The following FUNDC1 variants were observed in gnomAD, a reference collection of about 807,000 sequenced individuals.
FUNDC1 encodes the protein FUN14 domain-containing protein 1.
In FUNDC1, 10 loss-of-function variants were observed where a neutral mutation model predicts 14.5. The observed-to-expected ratio is 0.69, with a 90% CI of 0.43 to 1.17. The LOEUF is 1.17. Among genes scored for constraint, FUNDC1 ranks in the 50% most tolerant of loss-of-function variants. The pLI is 0.00. For synonymous variants in FUNDC1, 33 were observed against 39.7 expected, an observed-to-expected ratio of 0.83 and a Z score of 0.64; for missense variants, 115 against 113.8, an observed-to-expected ratio of 1.01 and a Z score of -0.05.
chrX:44,541,726 G>C (rs774964588), intron 2 of FUNDC1, among the ~76,000 whole-genome samples: 1 of 111,289 alleles, frequency 9.0e-6, no homozygotes, highest in East Asian at 2.8e-4. Flanking sequence ...AGGATGAGGA[G>C]GGAGAAGAGG....
intron 3 of FUNDC1, among the ~76,000 whole-genome samples, chrX:44,533,948 C>T (rs1455145341): frequency 1.9e-5 from 2 of 106,709 alleles, no homozygotes; most frequent in East Asian, 5.9e-4. Flanking sequence ...GCCTGTAGTC[C>T]CAGCTACTTG....
At chrX:44,542,678 G>A in intron 1 of FUNDC1, 127 bp downstream of exon 1, 1 of 667,120 alleles carries the variant, frequency 1.5e-6, no homozygotes, top group Non-Finnish European at 2.3e-6. Context: ...GGTGCTCGAA[G>A]GGGCTGCCTT....
chrX:44,542,790 G>A lies in FUNDC1; in HGVS notation c.28+15C>T. 1 of 1,165,825 alleles carries A rather than the reference G, an allele frequency of 8.6e-7. No individual in the cohort carries two copies. Among genetic ancestry groups the A allele is most frequent in the Non-Finnish European group, 1.1e-6 (1 of 871,286 alleles). ...AGCCGCGTCCCAGATACCACTTCGG[G>A]CCCTGGCCGCTCACCTTGGGGAGGG... is the stretch of plus-strand genomic sequence containing the variant. On this transcript the variant is annotated intron_variant, in intron 1 of 4. Transcript: ENST00000378045.
chrX:44,525,246 T>C (rs1369066200), intron 4 of FUNDC1, among the ~76,000 whole-genome samples: 2 of 110,481 alleles, frequency 1.8e-5, no homozygotes, highest in Non-Finnish European at 3.8e-5. Flanking sequence ...GGTCTCATTC[T>C]GTCAGCCAGG....
At chrX:44,537,251 G>T (rs1288989196) in intron 3 of FUNDC1, among the ~76,000 whole-genome samples, 1 of 111,934 alleles carries the variant, frequency 8.9e-6, no homozygotes, top group Admixed American at 9.6e-5. Context: ...AAACTGACAT[G>T]CAGAGTGGAT....
intron 3 of FUNDC1, among the ~76,000 whole-genome samples, chrX:44,532,701 C>T (rs1569187853): frequency 9.2e-6 from 1 of 109,171 alleles, no homozygotes; most frequent in Non-Finnish European, 1.9e-5. Flanking sequence ...TACAGGCATG[C>T]ACCACCATGC....
At chrX:44,534,731 C>T (rs1022436249) in intron 3 of FUNDC1, among the ~76,000 whole-genome samples, 2 of 111,816 alleles carry the variant, frequency 1.8e-5, no homozygotes, top group Admixed American at 1.9e-4. Context: ...AATTATCAAA[C>T]AAATGTGAGG....
rs777827528 is a variant in FUNDC1, at chrX:44,542,005, C to A, written c.125G>T (p.Gly42Val). 2.5e-6 allele frequency: 3 copies of A among 1,205,139 alleles called. No homozygotes were observed. In the South Asian group the frequency reaches 5.3e-5, roughly 21 times the overall value. ...TACTGAGTATTTTTCTACCATAGGTCCCGAACTGTGGCCAAACACTCGATT... is the reference window on the plus strand; with the variant it reads ...TACTGAGTATTTTTCTACCATAGGTACCGAACTGTGGCCAAACACTCGATT... The part of the protein sequence containing the change: ...WWNRVFGHSS[G>V]PMVEKYSVAT... Residue 42 changes from glycine to valine, a missense_variant, in exon 2 of 5, where the codon GGA (glycine) becomes GTA (valine). Gly to Val is a moderately radical substitution (Grantham distance 109). Coordinates refer to ENST00000378045, the MANE Select transcript of FUNDC1 (RefSeq NM_173794.4).
Position 44,523,913 on chromosome X carries a change from A to G in FUNDC1, c.*285T>C, listed in dbSNP as rs1236042405. The G allele has an allele frequency of 8.1e-6, 2 of 246,050 alleles. No individual in the cohort carries two copies. Among genetic ancestry groups the G allele is most frequent in the African/African-American group, 2.8e-5 (1 of 35,689 alleles). The allele number at this position is 246,050 out of a possible 1,213,427, so 20.3% of individuals were successfully genotyped here. On this transcript the variant is annotated 3_prime_UTR_variant, in exon 5 of 5. Transcript: ENST00000378045. ...CTCTCCATATCTACATCCAATGGTG[A>G]TATTTTATAGGCTAGTTTCTAAACA... is the stretch of plus-strand genomic sequence containing the variant.
chrX:44,529,260 A>G (rs935891119), intron 3 of FUNDC1, among the ~76,000 whole-genome samples: 1 of 111,983 alleles, frequency 8.9e-6, no homozygotes, highest in African/African-American at 3.2e-5. Flanking sequence ...CACAAACAGC[A>G]TTCTATACAC....
chrX:44,539,208 C>T (rs1283056113), intron 2 of FUNDC1, among the ~76,000 whole-genome samples: 1 of 111,897 alleles, frequency 8.9e-6, no homozygotes, highest in Non-Finnish European at 1.9e-5. Context: ...CATTAATTCG[C>T]TCCTTCAGTG....
At chrX:44,531,315 G>GACACACACACACACACACAC (rs766982993) in intron 3 of FUNDC1, among the ~76,000 whole-genome samples, 1 of 18,882 alleles carries the variant, frequency 5.3e-5, no homozygotes, top group Non-Finnish European at 8.3e-5. Flanking sequence ...ATGTTGGCCA[G>GACACACACACACACACACAC]ACACACACAC....
chrX:44,525,265 C>A (rs1307875852), intron 4 of FUNDC1, among the ~76,000 whole-genome samples: 1 of 110,050 alleles, frequency 9.1e-6, no homozygotes, highest in Non-Finnish European at 1.9e-5. Flanking sequence ...GGCTGGAGTG[C>A]AGTGGCACAA....
At position 44,531,299 on chromosome X, in the gene FUNDC1, AG is replaced by A. The variant is rs1396414208; in HGVS notation, c.262-3935del. On this transcript the variant is annotated intron_variant, in intron 3 of 4. Transcript: ENST00000378045. ...ACACACACACACGGCTTTCAGATGA[AG>A]ATTCATGTTGGCCAGACACACACAC... is the stretch of plus-strand genomic sequence containing the variant. 0.026 allele frequency among the ~76,000 whole-genome samples: 1,076 copies of A among 41,511 alleles called. 154 individuals are homozygous for A. The African/African-American group carries it at 0.3, about 12-fold the overall frequency. 36.0% of individuals were successfully genotyped at this position (41,511 alleles called of 115,157 possible).
At chrX:44,525,470 T>C (rs1211473779) in intron 4 of FUNDC1, among the ~76,000 whole-genome samples, 1 of 107,600 alleles carries the variant, frequency 9.3e-6, no homozygotes, top group Non-Finnish European at 1.9e-5. Flanking sequence ...ATTACAGGAG[T>C]GAACTACTGT....
intron 2 of FUNDC1, among the ~76,000 whole-genome samples, chrX:44,540,757 C>A (rs1221511219): frequency 5.4e-5 from 6 of 111,938 alleles, no homozygotes; most frequent in African/African-American, 1.9e-4. Context: ...CTGACATTAA[C>A]CAATCACCCA....
At chrX:44,524,331 T>C in intron 4 of FUNDC1, 56 bp from the exon 5 acceptor site, 1 of 790,869 alleles carries the variant, frequency 1.3e-6, no homozygotes, top group Non-Finnish European at 1.9e-6. Context: ...GGGATGAACC[T>C]TGAAAACATT....
At chrX:44,530,679 G>A (rs2147472483) in intron 3 of FUNDC1, among the ~76,000 whole-genome samples, 1 of 110,912 alleles carries the variant, frequency 9.0e-6, no homozygotes, top group East Asian at 2.8e-4. Flanking sequence ...ACTTTGGGAG[G>A]CCAAGGTGGG....
intron 2 of FUNDC1, among the ~76,000 whole-genome samples, chrX:44,540,668 G>A (rs954450179): frequency 8.9e-6 from 1 of 111,837 alleles, no homozygotes; most frequent in Non-Finnish European, 1.9e-5. Flanking sequence ...TGGTCTCCAA[G>A]GAGAAACAAT....
Sources: allele counts gnomAD v4.1 joint callset (sites outside exome capture counted in the v4.1 genomes callset), GRCh38; gene constraint gnomAD v4.1.1; transcripts MANE v1.5; gene names NCBI Gene and HGNC (gene_info 2026-07-23, HGNC 2026-07-21).